BAIAP2L1: variants seen among roughly 807,000 people sequenced by gnomAD.
The protein encoded by BAIAP2L1 is BAR/IMD domain-containing adapter protein 2-like 1.
In BAIAP2L1, 35 loss-of-function variants were observed where a neutral mutation model predicts 66.3. The observed-to-expected ratio is 0.53, with a 90% CI of 0.40 to 0.70. The LOEUF is 0.70. Among genes scored for constraint, BAIAP2L1 ranks in the 30% least tolerant of loss-of-function variants. The pLI, the probability that BAIAP2L1 is intolerant of heterozygous loss-of-function variation, is 0.00. For missense variants in BAIAP2L1, 622 were observed against 656.9 expected, an observed-to-expected ratio of 0.95 and a Z score of 0.58; for synonymous variants, 269 against 248.7, an observed-to-expected ratio of 1.08 and a Z score of -0.77.
At chr7:98,399,152 T>C (rs571869949) in intron 1 of BAIAP2L1, among the ~76,000 whole-genome samples, 6 of 152,138 alleles carry the variant, frequency 3.9e-5, no homozygotes, top group Non-Finnish European at 8.8e-5. Context: ...TGTAGGAATT[T>C]CTCAAATTTC....
Position 98,293,023 on chromosome 7 carries a change from T to C in BAIAP2L1, c.*498A>G. 1 of 1,007,600 alleles carries C rather than the reference T, an allele frequency of 9.9e-7. No homozygotes were observed. The highest frequency in any genetic ancestry group is 6.2e-5 in the East Asian group (1 of 16,228). The allele number at this position is 1,007,600 out of a possible 1,614,324, so 62.4% of individuals were successfully genotyped here. On this transcript the variant is annotated 3_prime_UTR_variant, in exon 14 of 14. Transcript: ENST00000005260. The stretch of plus-strand genomic sequence containing the variant: ...TAAACATTTTAAGTTAAATTACATT[T>C]ATATAGTATTTTCATAATTTATATT...
chr7:98,400,709 G>T, intron 1 of BAIAP2L1, 93 bp downstream of exon 1: 1 of 1,401,718 alleles, frequency 7.1e-7, no homozygotes. Flanking sequence ...GAGGGGAGCT[G>T]GAGGGAGGGA....
Position 98,308,099 on chromosome 7 carries a change from C to T in BAIAP2L1, c.956-203G>A, listed in dbSNP as rs751014889. 2.5e-5 allele frequency: 17 copies of T among 688,944 alleles called. No homozygotes were observed. The East Asian group carries it at 4.2e-4, about 17-fold the overall frequency. The allele number at this position is 688,944 out of a possible 1,614,324, so 42.7% of individuals were successfully genotyped here. On this transcript the variant is annotated intron_variant, in intron 9 of 13. Transcript: ENST00000005260. ...TTGAGAAACAGAGGCAGCGTGCAGC[C>T]TGAAGGCATGCACCGTGCAGAAGAG...
At chr7:98,341,125 C>T (rs190622473) in intron 3 of BAIAP2L1, among the ~76,000 whole-genome samples, 1 of 152,080 alleles carries the variant, frequency 6.6e-6, no homozygotes, top group Admixed American at 6.6e-5. Context: ...TTATCATGTG[C>T]TTGCTTCCAG....
At position 98,294,216 on chromosome 7, in the gene BAIAP2L1, C is replaced by T. The variant is rs543975802; in HGVS notation, c.1423-105G>A. The T allele has an allele frequency of 2.3e-5, 28 of 1,201,972 alleles. No homozygotes were observed. The East Asian group carries it at 5.8e-4, about 25-fold the overall frequency. The allele number at this position is 1,201,972 out of a possible 1,614,324, so 74.5% of individuals were successfully genotyped here. ...CTATGTTGCCCAGGCTGGTTTCGAACTCCTGAGCTCACGTGATCCTTCCAC... is the reference window on the plus strand; with the variant it reads ...CTATGTTGCCCAGGCTGGTTTCGAATTCCTGAGCTCACGTGATCCTTCCAC... On this transcript the variant is annotated intron_variant, in intron 12 of 13. Transcript: ENST00000005260.
chr7:98,306,496 G>A lies in BAIAP2L1; in HGVS notation c.1184C>T (p.Ser395Leu), dbSNP rs761212599. The A allele has an allele frequency of 3.7e-6, 6 of 1,614,124 alleles. No homozygotes were observed. The highest frequency in any genetic ancestry group is 5.1e-6 in the Non-Finnish European group (6 of 1,180,044). Residue 395 changes from serine to leucine, a missense_variant, in exon 11 of 14, where the codon TCG (serine) becomes TTG (leucine). Coordinates refer to ENST00000005260, the MANE Select transcript of BAIAP2L1 (RefSeq NM_018842.5). ...VSKARGWFPS[S>L]YTKLLEENET... is the part of the protein sequence containing the mutation. ...ATTTTCTTCCAGCAACTTCGTGTAC[G>A]ACGACGGGAACCAACCCCTCCTACC...
intron 3 of BAIAP2L1, among the ~76,000 whole-genome samples, chr7:98,340,225 T>A (rs1801708643): frequency 6.6e-6 from 1 of 152,224 alleles, no homozygotes; most frequent in Non-Finnish European, 1.5e-5. Flanking sequence ...GTGAGCAATC[T>A]GGAAGCATGA....
At chr7:98,386,012 T>C (rs1802881158) in intron 1 of BAIAP2L1, 6 of 1,388,228 alleles carry the variant, frequency 4.3e-6, no homozygotes, top group African/African-American at 1.4e-5. Context: ...TCTTTTCCAA[T>C]GCTGTCTGGA....
intron 2 of BAIAP2L1, among the ~76,000 whole-genome samples, chr7:98,360,982 T>C (rs1304463519): frequency 6.6e-6 from 1 of 152,190 alleles, no homozygotes; most frequent in Non-Finnish European, 1.5e-5. Context: ...TCACACCCTT[T>C]CCTGGGGCAG....
At chr7:98,345,442 T>TGGC (rs1342981798) in intron 3 of BAIAP2L1, among the ~76,000 whole-genome samples, 11 of 152,088 alleles carry the variant, frequency 7.2e-5, no homozygotes, top group Admixed American at 7.2e-4. Context: ...CATGAAAAGA[T>TGGC]GGCTGGGCAC....
chr7:98,329,122 C>A (rs754983628), intron 3 of BAIAP2L1, among the ~76,000 whole-genome samples: 1 of 152,218 alleles, frequency 6.6e-6, no homozygotes, highest in Non-Finnish European at 1.5e-5. Flanking sequence ...CGCAAAGGCA[C>A]TTCCGGTTTC....
intron 2 of BAIAP2L1, among the ~76,000 whole-genome samples, chr7:98,361,402 GT>G (rs1190380883): frequency 1.3e-5 from 2 of 151,864 alleles, no homozygotes; most frequent in Admixed American, 6.6e-5. Flanking sequence ...ATAAGAAGAT[GT>G]AAAACTTGAT....
chr7:98,334,431 T>C (rs1473724645), intron 3 of BAIAP2L1, among the ~76,000 whole-genome samples: 1 of 152,182 alleles, frequency 6.6e-6, no homozygotes, highest in Non-Finnish European at 1.5e-5. Flanking sequence ...TCAGTTTTTT[T>C]TTAATAACTC....
chr7:98,358,516 C>T (rs1802192808), intron 2 of BAIAP2L1, among the ~76,000 whole-genome samples: 1 of 151,966 alleles, frequency 6.6e-6, no homozygotes. Flanking sequence ...CGCCACCACA[C>T]CTAGCTAATT....
chr7:98,324,663 C>T (rs965191855), intron 3 of BAIAP2L1, among the ~76,000 whole-genome samples: 7 of 151,820 alleles, frequency 4.6e-5, no homozygotes, highest in Non-Finnish European at 1.0e-4. Flanking sequence ...GCCTGGGCAA[C>T]ACAGTGAGAC....
intron 3 of BAIAP2L1, among the ~76,000 whole-genome samples, chr7:98,343,048 C>T (rs772077113): frequency 7.2e-5 from 11 of 151,770 alleles, no homozygotes; most frequent in Admixed American, 5.9e-4. Flanking sequence ...GGTACACCCA[C>T]TGACAATCTG....
chr7:98,323,374 A>G (rs886898104), intron 3 of BAIAP2L1: 3 of 152,248 alleles, frequency 2.0e-5, no homozygotes, highest in African/African-American at 7.2e-5. Context: ...CAGACACTCT[A>G]TTCTTGGCAA....
chr7:98,292,959 G>T lies in BAIAP2L1; in HGVS notation c.*562C>A. ...CTCTACAGCTCTGGCGTGGTTGGAG[G>T]GAGGGTGGGGGTTTCTCCATCTCTG... On this transcript the variant is annotated 3_prime_UTR_variant, in exon 14 of 14. Coordinates refer to ENST00000005260, the MANE Select transcript of BAIAP2L1 (RefSeq NM_018842.5). The T allele has an allele frequency of 8.2e-7, 1 of 1,219,678 alleles. No individual in the cohort carries two copies. The highest frequency in any genetic ancestry group is 1.0e-6 in the Non-Finnish European group (1 of 978,450). The allele number at this position is 1,219,678 out of a possible 1,614,324, so 75.6% of individuals were successfully genotyped here.
At chr7:98,333,605 A>G (rs1175466415) in intron 3 of BAIAP2L1, among the ~76,000 whole-genome samples, 1 of 152,126 alleles carries the variant, frequency 6.6e-6, no homozygotes, top group Admixed American at 6.6e-5. Context: ...TCTCAAAATA[A>G]ATAAATAAAT....
Sources: gnomAD v4.1 joint callset for allele counts (sites outside exome capture counted in the v4.1 genomes callset) on GRCh38, gnomAD v4.1.1 for gene constraint, MANE v1.5 for transcripts, NCBI Gene and HGNC (gene_info 2026-07-23, HGNC 2026-07-21) for gene names.